TENM2: variants seen among roughly 807,000 people sequenced by gnomAD.
The protein encoded by TENM2 is teneurin-2.
A neutral mutation model predicts 245.2 loss-of-function variants in TENM2; 52 were observed. The observed-to-expected ratio is 0.21, with a 90% confidence interval of 0.17 to 0.27. The LOEUF (loss-of-function observed/expected upper bound fraction) is 0.27, where lower values mean the gene tolerates loss of function less well. Among genes scored for constraint, TENM2 ranks in the 10% least tolerant of loss-of-function variants. TENM2 has a pLI of 1.00. For missense variants in TENM2, 3,046 were observed against 3,666.8 expected (o/e 0.83, Z 4.37); for synonymous variants, 1,363 against 1,438.9 (o/e 0.95, Z 1.19).
intron 2 of TENM2, among the ~76,000 whole-genome samples, chr5:167,620,549 C>T (rs1227209964): frequency 4.3e-3 from 317 of 73,148 alleles, no homozygotes; most frequent in Admixed American, 7.1e-3. Flanking sequence ...TGCTTTTTGG[C>T]TTTTTTTTTT....
the TENM2 span, among the ~76,000 whole-genome samples, chr5:167,076,580 T>G: frequency 6.6e-6 from 1 of 152,302 alleles, no homozygotes; most frequent in East Asian, 1.9e-4. Flanking sequence ...AAGCTGACAT[T>G]TTCACTTTTC....
chr5:167,898,167 G>T (rs192521277), intron 3 of TENM2, among the ~76,000 whole-genome samples: 1 of 152,272 alleles, frequency 6.6e-6, no homozygotes, highest in Non-Finnish European at 1.5e-5. Context: ...CCAATAGAGA[G>T]AATAATTTAC....
At chr5:167,857,621 GACATGTT>G (rs1472610400) in intron 2 of TENM2, among the ~76,000 whole-genome samples, 8 of 152,120 alleles carry the variant, frequency 5.3e-5, no homozygotes, top group Admixed American at 2.6e-4. Context: ...TGTTTCCTGG[GACATGTT>G]TTATCTTGAG....
At chr5:168,093,044 A>G (rs1793076638) in intron 8 of TENM2, among the ~76,000 whole-genome samples, 1 of 152,242 alleles carries the variant, frequency 6.6e-6, no homozygotes, top group African/African-American at 2.4e-5. Flanking sequence ...CCAAGGTCAC[A>G]CACAGCCAGG....
At chr5:168,123,666 A>C (rs911875558) in intron 10 of TENM2, among the ~76,000 whole-genome samples, 1 of 152,250 alleles carries the variant, frequency 6.6e-6, no homozygotes, top group Non-Finnish European at 1.5e-5. Flanking sequence ...CTGGGCCAAC[A>C]GGCCTGATTT....
chr5:167,411,370 GTCTT>G (rs1762897288), intron 2 of TENM2, among the ~76,000 whole-genome samples: 2 of 152,166 alleles, frequency 1.3e-5, no homozygotes, highest in East Asian at 1.9e-4. Context: ...ATTTGAGAAA[GTCTT>G]TCTTTCCACT....
intron 2 of TENM2, among the ~76,000 whole-genome samples, chr5:167,483,976 G>A (rs762793577): frequency 1.3e-5 from 2 of 152,142 alleles, no homozygotes; most frequent in Non-Finnish European, 2.9e-5. Context: ...TACTTAAGTT[G>A]TTGTATGGGC....
chr5:168,039,737 G>T (rs148192081), intron 5 of TENM2, among the ~76,000 whole-genome samples: 2 of 152,134 alleles, frequency 1.3e-5, no homozygotes, highest in East Asian at 1.9e-4. Flanking sequence ...AAAGAAAGTG[G>T]CTGTGAGCAC....
chr5:167,415,383 G>A (rs1763111228), intron 2 of TENM2, among the ~76,000 whole-genome samples: 1 of 152,082 alleles, frequency 6.6e-6, no homozygotes, highest in South Asian at 2.1e-4. Flanking sequence ...TTTCAGGCTA[G>A]TTTTCCTTCA....
chr5:167,709,552 T>A (rs1289657252), intron 2 of TENM2, among the ~76,000 whole-genome samples: 1 of 152,214 alleles, frequency 6.6e-6, no homozygotes, highest in East Asian at 1.9e-4. Context: ...AGAAGCCCAG[T>A]CCAACTGGTC....
At chr5:167,215,304 G>T in the TENM2 span, among the ~76,000 whole-genome samples, 1 of 152,212 alleles carries the variant, frequency 6.6e-6, no homozygotes, top group African/African-American at 2.4e-5. Flanking sequence ...GGGGCAGGAT[G>T]TGAGTTTTGA....
intron 2 of TENM2, among the ~76,000 whole-genome samples, chr5:167,859,049 A>T (rs943003252): frequency 1.8e-5 from 2 of 110,920 alleles, no homozygotes; most frequent in African/African-American, 6.4e-5. Flanking sequence ...GGCCGCCATC[A>T]CATCTAGGAA....
chr5:167,946,650 G>C (rs7730283), intron 3 of TENM2, among the ~76,000 whole-genome samples: 31,397 of 152,098 alleles, frequency 0.21, 3,594 homozygotes, highest in East Asian at 0.37. Flanking sequence ...GTGTGCCTGT[G>C]TTCTGGTTTT....
chr5:167,964,797 G>A (rs1322683397), intron 4 of TENM2, among the ~76,000 whole-genome samples: 1 of 151,812 alleles, frequency 6.6e-6, no homozygotes, highest in Non-Finnish European at 1.5e-5. Context: ...GCAAGAGAAA[G>A]CAAACTAGAA....
chr5:168,035,548 G>A (rs1207887802), intron 5 of TENM2, among the ~76,000 whole-genome samples: 1 of 151,616 alleles, frequency 6.6e-6, no homozygotes, highest in Non-Finnish European at 1.5e-5. Context: ...ATTTCTATTG[G>A]ACAGTGCTGA....
rs143457819 is a variant in TENM2 at position 167,378,414 on chromosome 5, T to C, written c.502+2941T>C. Among the ~76,000 whole-genome samples the C allele has an allele frequency of 1.4e-3, 203 of 149,710 alleles. 1 individual carries two copies. The highest frequency in any genetic ancestry group is 4.3e-3 in the African/African-American group (173 of 40,614). On this transcript the variant is annotated intron_variant, in intron 2 of 28. Coordinates refer to ENST00000518659, the Ensembl canonical transcript of TENM2. ...TTTTTTGGTAGTGTAGACACCATAG[T>C]GCTTCATCCTACACTCATTGATTTA...
At chr5:167,293,857 A>G (rs76251129) in intron 1 of TENM2, among the ~76,000 whole-genome samples, 1 of 151,990 alleles carries the variant, frequency 6.6e-6, no homozygotes, top group Non-Finnish European at 1.5e-5. Context: ...GATCCCAGGC[A>G]AGGAAAAAAT....
the TENM2 span, among the ~76,000 whole-genome samples, chr5:167,205,973 T>G: frequency 6.6e-6 from 1 of 152,246 alleles, no homozygotes; most frequent in African/African-American, 2.4e-5. Context: ...TTTTAAGGGC[T>G]CATGTGATCC....
chr5:167,980,951 C>T (rs1411052992), intron 4 of TENM2, among the ~76,000 whole-genome samples: 1 of 152,078 alleles, frequency 6.6e-6, no homozygotes, highest in Admixed American at 6.5e-5. Flanking sequence ...GGTGTCCTTC[C>T]AGTTGCTGGT....
Sources: gnomAD v4.1 joint callset for allele counts (sites outside exome capture counted in the v4.1 genomes callset) on GRCh38, gnomAD v4.1.1 for gene constraint, MANE v1.5 for transcripts, NCBI Gene and HGNC (gene_info 2026-07-23, HGNC 2026-07-21) for gene names.